GALNT13: variants seen among roughly 807,000 people sequenced by gnomAD.
GALNT13 encodes the protein UDP-GalNAc:polypeptide N-acetylgalactosaminyltransferase 13.
Under a neutral mutation model 64.2 loss-of-function variants are expected in GALNT13, and 28 were observed. That is an observed-to-expected ratio of 0.44 (90% CI 0.32 to 0.60). GALNT13 has a LOEUF of 0.60. Among genes scored for constraint, GALNT13 ranks in the 20% least tolerant of loss-of-function variants. The pLI, the probability that GALNT13 is intolerant of heterozygous loss-of-function variation, is 0.05. For missense variants in GALNT13, 577 were observed against 669.8 expected (o/e 0.86, Z 1.53); for synonymous variants, 214 against 224.6 (o/e 0.95, Z 0.42).
chr2:153,991,688 C>A (rs1695165576), intron 3 of GALNT13, among the ~76,000 whole-genome samples: 1 of 152,076 alleles, frequency 6.6e-6, no homozygotes, highest in African/African-American at 2.4e-5. Flanking sequence ...TTTTGTTAAA[C>A]AGGGACAATA....
the GALNT13 span, among the ~76,000 whole-genome samples, chr2:153,702,808 C>T: frequency 6.6e-6 from 1 of 152,016 alleles, no homozygotes; most frequent in African/African-American, 2.4e-5. Flanking sequence ...ATATTAAGGA[C>T]TAAGATCTGT....
intron 1 of GALNT13, among the ~76,000 whole-genome samples, chr2:153,884,785 A>ATATATATATATATATATGTG (rs1450308010): frequency 3.3e-5 from 4 of 122,504 alleles, no homozygotes; most frequent in African/African-American, 1.4e-4. Context: ...ATATATATAT[A>ATATATATATATATATATGTG]TGTGTGTGTA....
intron 2 of GALNT13, among the ~76,000 whole-genome samples, chr2:153,927,681 C>A (rs539886627): frequency 6.6e-6 from 1 of 151,934 alleles, no homozygotes; most frequent in South Asian, 2.1e-4. Flanking sequence ...ATATTTAGTT[C>A]TTTATGTAAT....
chr2:153,542,369 AC>A, the GALNT13 span, among the ~76,000 whole-genome samples: 58,679 of 129,996 alleles, frequency 0.45, 11,838 homozygotes, highest in East Asian at 0.68. Context: ...CAAAAAAAAA[AC>A]CGGAAGTAGA....
intron 3 of GALNT13, among the ~76,000 whole-genome samples, chr2:154,139,350 T>TC (rs1683128148): frequency 7.3e-6 from 1 of 137,224 alleles, no homozygotes; most frequent in South Asian, 2.2e-4. Flanking sequence ...ATAGTCCTTA[T>TC]TTTTTTTCAG....
At chr2:154,439,523 C>T (rs1701174981) in intron 12 of GALNT13, among the ~76,000 whole-genome samples, 1 of 152,078 alleles carries the variant, frequency 6.6e-6, no homozygotes, top group Non-Finnish European at 1.5e-5. Context: ...AAACTTCGTT[C>T]TGCTTAAAAG....
At chr2:153,756,067 A>G in the GALNT13 span, among the ~76,000 whole-genome samples, 3 of 152,136 alleles carry the variant, frequency 2.0e-5, no homozygotes, top group Non-Finnish European at 2.9e-5. Context: ...TTATAAGATT[A>G]TATAGTATAT....
intron 9 of GALNT13, among the ~76,000 whole-genome samples, chr2:154,333,990 G>C (rs1176569679): frequency 6.6e-6 from 1 of 152,032 alleles, no homozygotes; most frequent in East Asian, 1.9e-4. Context: ...TTCACAGACA[G>C]CTGAGTTCAT....
At chr2:154,248,444 A>T (rs1446993873) in intron 7 of GALNT13, among the ~76,000 whole-genome samples, 1 of 152,120 alleles carries the variant, frequency 6.6e-6, no homozygotes, top group Admixed American at 6.6e-5. Context: ...ACTTTCCTTG[A>T]CATTTAATAA....
At chr2:154,149,049 T>C (rs1683806401) in intron 4 of GALNT13, among the ~76,000 whole-genome samples, 2 of 152,218 alleles carry the variant, frequency 1.3e-5, no homozygotes, top group Admixed American at 6.5e-5. Context: ...TCTAGGGTTT[T>C]TATGGTTTTA....
At chr2:153,336,864 G>A in the GALNT13 span, among the ~76,000 whole-genome samples, 1 of 152,188 alleles carries the variant, frequency 6.6e-6, no homozygotes, top group Non-Finnish European at 1.5e-5. Context: ...TATTGTGGGA[G>A]GGACCCAGGG....
the GALNT13 span, among the ~76,000 whole-genome samples, chr2:153,090,167 C>G: frequency 1.3e-5 from 2 of 152,208 alleles, no homozygotes; most frequent in Non-Finnish European, 2.9e-5. Context: ...GTGCTCTCCC[C>G]TATCCCTTAG....
At chr2:153,339,216 T>C in the GALNT13 span, among the ~76,000 whole-genome samples, 1 of 152,352 alleles carries the variant, frequency 6.6e-6, no homozygotes, top group South Asian at 2.1e-4. Context: ...ACAATGGCTG[T>C]GCTAATTTAC....
At chr2:153,839,159 T>G in the GALNT13 span, among the ~76,000 whole-genome samples, 4 of 151,928 alleles carry the variant, frequency 2.6e-5, no homozygotes, top group African/African-American at 7.2e-5. Context: ...ACAATTTTTT[T>G]GTGCATGTAA....
chr2:154,306,960 A>G (rs1693774138), intron 9 of GALNT13, among the ~76,000 whole-genome samples: 1 of 151,830 alleles, frequency 6.6e-6, no homozygotes, highest in Admixed American at 6.6e-5. Context: ...GTCCCTAGGC[A>G]AGAAGGTGGT....
At chr2:153,612,574 A>T in the GALNT13 span, among the ~76,000 whole-genome samples, 1 of 152,156 alleles carries the variant, frequency 6.6e-6, no homozygotes, top group East Asian at 1.9e-4. Context: ...CAAGACATAT[A>T]TCATATAAAC....
the GALNT13 span, among the ~76,000 whole-genome samples, chr2:153,611,155 T>G: frequency 6.6e-5 from 10 of 152,322 alleles, no homozygotes; most frequent in Admixed American, 6.5e-4. Context: ...TTGTAGTGTG[T>G]GTGAAATTAA....
the GALNT13 span, among the ~76,000 whole-genome samples, chr2:153,314,004 G>A: frequency 1.1e-4 from 17 of 152,072 alleles, no homozygotes; most frequent in South Asian, 3.5e-3. Flanking sequence ...CTCTCATAGA[G>A]GCAAGTATTA....
At chr2:153,180,569 A>AT in the GALNT13 span, among the ~76,000 whole-genome samples, 1 of 152,030 alleles carries the variant, frequency 6.6e-6, no homozygotes, top group Non-Finnish European at 1.5e-5. Flanking sequence ...TCCCTCTTTA[A>AT]TTTTTTTGGA....
Sources: gnomAD v4.1 joint callset for allele counts (sites outside exome capture counted in the v4.1 genomes callset) on GRCh38, gnomAD v4.1.1 for gene constraint, MANE v1.5 for transcripts, NCBI Gene and HGNC (gene_info 2026-07-23, HGNC 2026-07-21) for gene names.